The following CRTC3 variants were observed in gnomAD, a reference collection of about 807,000 sequenced individuals.
CRTC3 encodes CREB-regulated transcription coactivator 3.
Under a neutral mutation model 74.5 loss-of-function variants are expected in CRTC3, and 26 were observed. The ratio of observed to expected loss-of-function variants is 0.35; its 90% CI spans 0.26 to 0.48. The LOEUF (loss-of-function observed/expected upper bound fraction) is 0.48. Among genes scored for constraint, CRTC3 ranks in the 20% least tolerant of loss-of-function variants. CRTC3 has a pLI of 0.99. For synonymous variants in CRTC3, 377 were observed against 325.8 expected, an observed-to-expected ratio of 1.16 and a Z score of -1.69; for missense variants, 760 against 787.3, an observed-to-expected ratio of 0.97 and a Z score of 0.41.
At chr15:90,554,328 G>C (rs954376863) in intron 2 of CRTC3, among the ~76,000 whole-genome samples, 1 of 151,536 alleles carries the variant, frequency 6.6e-6, no homozygotes, top group South Asian at 2.1e-4. Flanking sequence ...TCAGCCTTCC[G>C]AGCAGCTGGA....
At position 90,632,186 on chromosome 15, in the gene CRTC3, G is replaced by C. The variant is rs574299230; in HGVS notation, c.1266+2654G>C. On this transcript the variant is annotated intron_variant, in intron 11 of 14. Transcript: ENST00000268184. ...AATTACCTTTAATTTTATTTTGCAAGATTATTTTATAAGATCTAAAAGTAT... is the reference window on the plus strand; with the variant it reads ...AATTACCTTTAATTTTATTTTGCAACATTATTTTATAAGATCTAAAAGTAT... Among the ~76,000 whole-genome samples, 4 of 151,842 alleles carry C rather than the reference G, an allele frequency of 2.6e-5. No homozygotes were observed. In the East Asian group the frequency reaches 7.7e-4, roughly 29 times the overall value.
intron 2 of CRTC3, among the ~76,000 whole-genome samples, chr15:90,544,228 C>T (rs796608287): frequency 1.3e-5 from 2 of 152,196 alleles, no homozygotes; most frequent in African/African-American, 4.8e-5. Flanking sequence ...TTACTCTCTG[C>T]CTCTGTCATC....
intron 11 of CRTC3, among the ~76,000 whole-genome samples, chr15:90,637,567 AAG>A (rs749663363): frequency 9.9e-5 from 15 of 152,120 alleles, no homozygotes; most frequent in Non-Finnish European, 2.1e-4. Context: ...ATTAAAGAAA[AAG>A]AAATTTCTTC....
intron 2 of CRTC3, among the ~76,000 whole-genome samples, chr15:90,570,179 T>G (rs1005260401): frequency 6.6e-6 from 1 of 152,194 alleles, no homozygotes; most frequent in African/African-American, 2.4e-5. Context: ...GCCAAAAGCT[T>G]CTGACACTAC....
In CRTC3 at chr15:90,638,783, T is replaced by A. The variant is rs1282805475; in HGVS notation, c.1516T>A (p.Ser506Thr). 1.2e-6 allele frequency: 2 copies of A among 1,614,120 alleles called. No homozygotes were observed. Among genetic ancestry groups the A allele is most frequent in the Non-Finnish European group, 8.5e-7 (1 of 1,180,020 alleles). The change falls in exon 13 of 15, where the codon TCC (serine) becomes ACC (threonine). Residue 506 changes from serine (S) to threonine (T), a missense_variant. Transcript: ENST00000268184. ...CCCAGATGTGGGTTTTGACCAGCAG[T>A]CCATGAGGCCAGGCCCTGCCTTTCC... ...FFPDVGFDQQ[S>T]MRPGPAFPQQ...
In CRTC3 at chr15:90,639,244, G is replaced by A. The variant is rs1567198375; in HGVS notation, c.1548+429G>A. On this transcript the variant is annotated intron_variant, in intron 13 of 14. Coordinates refer to ENST00000268184, the MANE Select transcript of CRTC3 (RefSeq NM_022769.5). ...CCCAGCACAGCGTGGGGCCTCCTGG[G>A]GAGAGCTCAGTCCTGGGGAGTGAGG... Among the ~76,000 whole-genome samples, 4 of 152,186 alleles carry A rather than the reference G, an allele frequency of 2.6e-5. No homozygotes were observed. In the East Asian group the frequency reaches 5.8e-4, roughly 22 times the overall value.
intron 11 of CRTC3, among the ~76,000 whole-genome samples, chr15:90,631,119 A>C (rs1596143523): frequency 5.5e-5 from 1 of 18,180 alleles, no homozygotes; most frequent in Non-Finnish European, 2.2e-4. Context: ...CCATAAATTA[A>C]TGATTTAGAA....
In CRTC3 at chr15:90,619,435, T is replaced by C. The variant is rs371239170; in HGVS notation, c.700-306T>C. Among the ~76,000 whole-genome samples, 43 of 152,330 alleles carry C rather than the reference T, an allele frequency of 2.8e-4. 2 individuals carry two copies. The East Asian group carries it at 6.2e-3, about 22-fold the overall frequency. ...TGTGCCACTGCCACTCCAGCCTGGA[T>C]GACAAGAGTGAAACTCCGTAAAAAG... On this transcript the variant is annotated intron_variant, in intron 8 of 14. Coordinates refer to ENST00000268184, the MANE Select transcript of CRTC3 (RefSeq NM_022769.5).
At chr15:90,629,572 G>A (rs1439047095) in intron 11 of CRTC3, 40 bp downstream of exon 11, 5 of 1,598,280 alleles carry the variant, frequency 3.1e-6, no homozygotes, top group Non-Finnish European at 4.3e-6. Flanking sequence ...CAGTGAAACA[G>A]ACTGCAAGAT....
intron 5 of CRTC3, among the ~76,000 whole-genome samples, chr15:90,604,846 T>A (rs1015438839): frequency 6.6e-6 from 1 of 152,114 alleles, no homozygotes; most frequent in South Asian, 2.1e-4. Flanking sequence ...GGAGTAAGAG[T>A]TCTACCTCAG....
At position 90,641,107 on chromosome 15, in the gene CRTC3, T is replaced by C; in HGVS notation, c.1559T>C (p.Val520Ala). 6.2e-7 allele frequency: 1 copy of C among 1,613,350 alleles called. No homozygotes were observed. Among genetic ancestry groups the C allele is most frequent in the Non-Finnish European group, 8.5e-7 (1 of 1,179,362 alleles). ...GPAFPQQVPL[V>A]QQGSRELQDS... ...CTTCGATGCTTCCAGGTGCCTCTGG[T>C]GCAACAAGGTTCCCGAGAACTGCAG... The change falls in exon 14 of 15, where the codon GTG becomes GCG. Residue 520 changes from valine (V) to alanine (A), a missense_variant. Physicochemically the swap from Val to Ala is moderately conservative, Grantham distance 64 (BLOSUM62 0). Around this residue, in one of 2 missense-constraint regions of CRTC3, gnomAD observed 652 missense variants for 635.2 expected, o/e 1.03. Transcript: ENST00000268184.
At chr15:90,617,123 C>T (rs1416379901) in intron 7 of CRTC3, among the ~76,000 whole-genome samples, 2 of 152,136 alleles carry the variant, frequency 1.3e-5, no homozygotes, top group African/African-American at 4.8e-5. Context: ...TTGCTCCACT[C>T]TTACCTTCCC....
At chr15:90,539,818 T>C in intron 1 of CRTC3, 1 of 510,206 alleles carries the variant, frequency 2.0e-6, no homozygotes, top group African/African-American at 2.0e-5. Flanking sequence ...GTTACTATCA[T>C]GGTATATGGG....
chr15:90,597,359 C>T lies in CRTC3; in HGVS notation c.351+3604C>T, dbSNP rs188705778. 5.8e-5 allele frequency among the ~76,000 whole-genome samples: 8 copies of T among 137,064 alleles called. No homozygotes were observed. The East Asian group carries it at 9.2e-4, about 16-fold the overall frequency. The allele number at this position is 137,064 out of a possible 152,430, so 89.9% of individuals were successfully genotyped here. On this transcript the variant is annotated intron_variant, in intron 3 of 14. Coordinates refer to ENST00000268184, the MANE Select transcript of CRTC3 (RefSeq NM_022769.5). ...TTTTCTCAGCCTTGTGGATGACACG[C>T]TCAGAAGGAAACACGAAATGCCTTC...
At chr15:90,545,082 G>A (rs1966842071) in intron 2 of CRTC3, among the ~76,000 whole-genome samples, 1 of 152,136 alleles carries the variant, frequency 6.6e-6, no homozygotes, top group African/African-American at 2.4e-5. Flanking sequence ...TGCCTCATAT[G>A]AGGGAAATCA....
chr15:90,584,810 C>A, intron 2 of CRTC3, among the ~76,000 whole-genome samples: 1 of 152,078 alleles, frequency 6.6e-6, no homozygotes, highest in African/African-American at 2.4e-5. Flanking sequence ...GCTACGTTTC[C>A]AACCAGTCTC....
At chr15:90,534,055 T>A (rs990738468) in intron 1 of CRTC3, among the ~76,000 whole-genome samples, 1 of 152,116 alleles carries the variant, frequency 6.6e-6, no homozygotes, top group Non-Finnish European at 1.5e-5. Context: ...TATGTGAGAT[T>A]TGCTTTTTTA....
At position 90,574,647 on chromosome 15, in the gene CRTC3, G is replaced by A. The variant is rs571586573; in HGVS notation, c.232-18989G>A. On this transcript the variant is annotated intron_variant, in intron 2 of 14. Transcript: ENST00000268184. The stretch of plus-strand genomic sequence containing the variant: ...TATTGTCAGTTCACCCTCCCTAGAA[G>A]TTGTACATTCCTCTCTGCTGTATAT... 7.9e-4 allele frequency among the ~76,000 whole-genome samples: 120 copies of A among 152,270 alleles called. 4 individuals are homozygous for A. The South Asian group carries it at 0.024, about 30-fold the overall frequency.
At chr15:90,605,982 G>T (rs973445325) in intron 5 of CRTC3, among the ~76,000 whole-genome samples, 1 of 152,142 alleles carries the variant, frequency 6.6e-6, no homozygotes, top group Non-Finnish European at 1.5e-5. Flanking sequence ...GAGGCCTGGC[G>T]CAGTGGCTCA....
Sources: allele counts gnomAD v4.1 joint callset (sites outside exome capture counted in the v4.1 genomes callset), GRCh38; gene constraint gnomAD v4.1.1; regional missense constraint gnomAD v4.1.1; transcripts MANE v1.5; gene names NCBI Gene and HGNC (gene_info 2026-07-23, HGNC 2026-07-21).